Variants in DIPK1A observed in about 807,000 individuals in gnomAD.
DIPK1A encodes divergent protein kinase domain 1A.
DIPK1A carries 27 observed loss-of-function variants against 40.8 expected under a neutral mutation model. That is an observed-to-expected ratio of 0.66 (90% CI 0.49 to 0.91). The LOEUF is 0.91. DIPK1A is among the 40% of genes least tolerant of loss of function. DIPK1A has a pLI of 0.00. For missense variants in DIPK1A, 412 were observed against 505.7 expected (o/e 0.81, Z 1.78); for synonymous variants, 166 against 171.3 (o/e 0.97, Z 0.24).
At chr1:92,912,806 T>C (rs1649881939) in intron 1 of DIPK1A, among the ~76,000 whole-genome samples, 1 of 152,066 alleles carries the variant, frequency 6.6e-6, no homozygotes, top group South Asian at 2.1e-4. Context: ...TATCTATATA[T>C]ATAAGCCATA....
At chr1:92,960,988 A>G (rs1044591832) in intron 1 of DIPK1A, among the ~76,000 whole-genome samples, 2 of 152,208 alleles carry the variant, frequency 1.3e-5, no homozygotes, top group African/African-American at 4.8e-5. Context: ...GAGGGGGGAA[A>G]GCCCCGAAAA....
intron 1 of DIPK1A, among the ~76,000 whole-genome samples, chr1:92,883,784 A>G (rs1648483959): frequency 1.3e-5 from 2 of 152,200 alleles, no homozygotes; most frequent in African/African-American, 4.8e-5. Flanking sequence ...GCCAGCTCAG[A>G]ATTAATATAG....
chr1:92,922,900 ACCATCTC>A (rs1474551705), intron 1 of DIPK1A, among the ~76,000 whole-genome samples: 1 of 151,170 alleles, frequency 6.6e-6, no homozygotes, highest in Non-Finnish European at 1.5e-5. Context: ...ATCCATAGCT[ACCATCTC>A]CCTCACAGTT....
intron 4 of DIPK1A, chr1:92,836,433 A>AC (rs1687130309): frequency 6.4e-7 from 1 of 1,568,204 alleles, no homozygotes; most frequent in Non-Finnish European, 8.8e-7. Flanking sequence ...GGACCGTGGT[A>AC]CTTCCCTGTT....
intron 1 of DIPK1A, among the ~76,000 whole-genome samples, chr1:92,886,753 T>C (rs1648617655): frequency 6.6e-6 from 1 of 151,990 alleles, no homozygotes; most frequent in South Asian, 2.1e-4. Context: ...AAAAACTCTA[T>C]GAGCTGATGT....
intron 4 of DIPK1A, chr1:92,846,179 A>G (rs1013862889): frequency 2.6e-5 from 4 of 153,478 alleles, no homozygotes; most frequent in African/African-American, 9.6e-5. Flanking sequence ...ACGGGAGCAC[A>G]CAGAAAAAAA....
chr1:92,911,922 T>C (rs886888575), intron 1 of DIPK1A, among the ~76,000 whole-genome samples: 4 of 146,020 alleles, frequency 2.7e-5, no homozygotes, highest in Non-Finnish European at 4.4e-5. Flanking sequence ...AAGAATCACT[T>C]GAACCCAGGA....
intron 4 of DIPK1A, chr1:92,836,384 C>A: frequency 6.2e-7 from 1 of 1,614,032 alleles, no homozygotes. Flanking sequence ...GCTTGTCTAT[C>A]CCTCACAGGT....
chr1:92,833,809 G>A, intron 4 of DIPK1A: 1 of 650,322 alleles, frequency 1.5e-6, no homozygotes. Context: ...GTCTAGAATT[G>A]GAACCTGGGA....
At chr1:92,844,319 G>A (rs1687502318) in intron 4 of DIPK1A, 124 bp from the exon 5 acceptor site, 6 of 638,690 alleles carry the variant, frequency 9.4e-6, no homozygotes, top group Non-Finnish European at 1.4e-5. Context: ...CCCCAAACAG[G>A]AACTTAATGT....
At chr1:92,891,645 T>C (rs1342023934) in intron 1 of DIPK1A, among the ~76,000 whole-genome samples, 5 of 152,188 alleles carry the variant, frequency 3.3e-5, no homozygotes, top group Middle Eastern at 3.4e-3. Context: ...GCACTGGGGA[T>C]TGTCAGACAG....
intron 1 of DIPK1A, among the ~76,000 whole-genome samples, chr1:92,949,715 C>T (rs112304142): frequency 0.011 from 1,669 of 152,146 alleles, 21 homozygotes; most frequent in African/African-American, 0.034. Flanking sequence ...AGAGAGGCTA[C>T]CTTTAGGGAA....
intron 1 of DIPK1A, among the ~76,000 whole-genome samples, chr1:92,899,432 T>A (rs1649317728): frequency 1.3e-5 from 2 of 152,220 alleles, no homozygotes; most frequent in Non-Finnish European, 2.9e-5. Context: ...TCAGTCTATA[T>A]GTGTCTTTAC....
At chr1:92,941,155 T>C (rs1651136677) in intron 1 of DIPK1A, among the ~76,000 whole-genome samples, 1 of 152,206 alleles carries the variant, frequency 6.6e-6, no homozygotes, top group Non-Finnish European at 1.5e-5. Context: ...TTATGAACCA[T>C]GCTTTTGGTG....
intron 1 of DIPK1A, among the ~76,000 whole-genome samples, chr1:92,901,820 C>T (rs1649424217): frequency 6.6e-6 from 1 of 152,126 alleles, no homozygotes; most frequent in Admixed American, 6.5e-5. Flanking sequence ...AGAGGGGTGT[C>T]AGCAGCTCAG....
chr1:92,866,433 A>T (rs765698117), intron 2 of DIPK1A, among the ~76,000 whole-genome samples: 7 of 152,130 alleles, frequency 4.6e-5, no homozygotes, highest in African/African-American at 1.7e-4. Context: ...TGCCTCCTCT[A>T]TGAAGCCTTT....
chr1:92,873,189 G>T (rs1040462883), intron 2 of DIPK1A, among the ~76,000 whole-genome samples: 1 of 152,142 alleles, frequency 6.6e-6, no homozygotes, highest in Non-Finnish European at 1.5e-5. Flanking sequence ...AGCATGGTGT[G>T]CCAGTGTTCC....
At chr1:92,896,027 A>C (rs1403553522) in intron 1 of DIPK1A, among the ~76,000 whole-genome samples, 2 of 152,192 alleles carry the variant, frequency 1.3e-5, no homozygotes, top group East Asian at 3.8e-4. Flanking sequence ...ATGGAAGAAC[A>C]TTCCATGCTC....
At chr1:92,943,938 T>G (rs1297081754) in intron 1 of DIPK1A, among the ~76,000 whole-genome samples, 6 of 151,882 alleles carry the variant, frequency 4.0e-5, no homozygotes, top group Non-Finnish European at 7.4e-5. Flanking sequence ...ATAAAATCTC[T>G]GAAAGGAATG....
Sources: allele counts gnomAD v4.1 joint callset (sites outside exome capture counted in the v4.1 genomes callset), GRCh38; gene constraint gnomAD v4.1.1; transcripts MANE v1.5; gene names NCBI Gene and HGNC (gene_info 2026-07-23, HGNC 2026-07-21).